TRIT1: variants seen among roughly 807,000 people sequenced by gnomAD.
The protein encoded by TRIT1 is tRNA dimethylallyltransferase.
Under a neutral mutation model 51.2 loss-of-function variants are expected in TRIT1, and 43 were observed. The ratio of observed to expected loss-of-function variants is 0.84; its 90% CI spans 0.66 to 1.08. The LOEUF (loss-of-function observed/expected upper bound fraction) is 1.08, where lower values mean the gene tolerates loss of function less well. TRIT1 is among the 50% of genes least tolerant of loss of function. The pLI, the probability that TRIT1 is intolerant of heterozygous loss-of-function variation, is 0.00. For synonymous variants in TRIT1, 184 were observed against 203.9 expected (o/e 0.90, Z 0.83); for missense variants, 528 against 578.4 (o/e 0.91, Z 0.89).
chr1:39,880,668 G>C (rs748092423), intron 1 of TRIT1, among the ~76,000 whole-genome samples: 1 of 151,852 alleles, frequency 6.6e-6, no homozygotes, highest in South Asian at 2.1e-4. Context: ...GCATGGTGGC[G>C]GGCGTCTGTA....
rs150669999 is a variant in TRIT1 at position 39,866,093 on chromosome 1, AAAGGAAGGAAGG to A, written c.175-8688_175-8677del. 1.8e-4 allele frequency among the ~76,000 whole-genome samples: 27 copies of A among 147,546 alleles called. 1 individual carries two copies. Among genetic ancestry groups the A allele is most frequent in the Non-Finnish European group, 2.7e-4 (18 of 66,834 alleles). The stretch of plus-strand genomic sequence containing the variant: ...AGAGGGAGGGAGGGAAGGAAAGAAG[AAAGGAAGGAAGG>A]AAGGAAGGAAGGAAGGAAGGAGGAA... On this transcript the variant is annotated intron_variant, in intron 1 of 10. Transcript: ENST00000316891.
At position 39,879,257 on chromosome 1, in the gene TRIT1, AAAACAAAC is replaced by A. The variant is rs542379737; in HGVS notation, c.174+4053_174+4060del. Among the ~76,000 whole-genome samples, 31 of 151,884 alleles carry A rather than the reference AAAACAAAC, an allele frequency of 2.0e-4. 1 individual carries two copies. Among genetic ancestry groups the A allele is most frequent in the South Asian group, 6.2e-4 (3 of 4,814 alleles). On this transcript the variant is annotated intron_variant, in intron 1 of 10. Transcript: ENST00000316891. Reference sequence around the variant, plus strand: ...GGGTGACAGAGCGAGACTCCATCTTAAAACAAACAAACAAACAAACAAACAAAAAACTC... The same window carrying A: ...GGGTGACAGAGCGAGACTCCATCTTAAAACAAACAAACAAACAAAAAACTC...
chr1:39,871,165 C>T (rs1643872201), intron 1 of TRIT1, among the ~76,000 whole-genome samples: 1 of 152,034 alleles, frequency 6.6e-6, no homozygotes, highest in Non-Finnish European at 1.5e-5. Context: ...TGCACCCCAG[C>T]CTGGGCAACA....
intron 1 of TRIT1, among the ~76,000 whole-genome samples, chr1:39,868,431 G>GCA (rs1379518408): frequency 6.6e-6 from 1 of 150,398 alleles, no homozygotes; most frequent in African/African-American, 2.4e-5. Flanking sequence ...TCATCTGAGG[G>GCA]CAGGACTTCG....
At chr1:39,870,392 T>C (rs1252117987) in intron 1 of TRIT1, among the ~76,000 whole-genome samples, 1 of 151,922 alleles carries the variant, frequency 6.6e-6, no homozygotes, top group African/African-American at 2.4e-5. Context: ...CAGGGTCCTC[T>C]GCCTAGGAAA....
At chr1:39,875,214 G>A (rs1489300005) in intron 1 of TRIT1, among the ~76,000 whole-genome samples, 1 of 152,010 alleles carries the variant, frequency 6.6e-6, no homozygotes, top group Non-Finnish European at 1.5e-5. Context: ...TACAGGCCAG[G>A]TGCAGTGGCT....
chr1:39,846,795 G>A (rs1009619808), intron 8 of TRIT1, among the ~76,000 whole-genome samples: 2 of 152,168 alleles, frequency 1.3e-5, no homozygotes, highest in Non-Finnish European at 2.9e-5. Context: ...GCACCATGTG[G>A]AGACGCTGGG....
At chr1:39,875,583 T>TA (rs1644023759) in intron 1 of TRIT1, among the ~76,000 whole-genome samples, 1 of 152,162 alleles carries the variant, frequency 6.6e-6, no homozygotes, top group Non-Finnish European at 1.5e-5. Flanking sequence ...TCCCAGGGTC[T>TA]ATATTTTTAG....
intron 1 of TRIT1, among the ~76,000 whole-genome samples, chr1:39,865,671 C>CAAAAAAAAAA (rs142393332): frequency 1.1e-3 from 76 of 68,102 alleles, no homozygotes; most frequent in Non-Finnish European, 2.0e-3. Context: ...TCTGTCTCTA[C>CAAAAAAAAAA]AAAAAAAAAA....
In TRIT1 at chr1:39,840,522, C is replaced by T. The variant is rs1425479138; in HGVS notation, c.*1222G>A. Among the ~76,000 whole-genome samples, 27 of 152,126 alleles carry T rather than the reference C, an allele frequency of 1.8e-4. No homozygotes were observed. The highest frequency in any genetic ancestry group is 4.4e-5 in the Non-Finnish European group (3 of 68,032). The stretch of plus-strand genomic sequence containing the variant: ...TCTTGCCTGGATTGGTGTTTGTGTA[C>T]ACATGCAATTATTTATAAGCTCCCT... On this transcript the variant is annotated 3_prime_UTR_variant, in exon 11 of 11. Coordinates refer to ENST00000316891, the MANE Select transcript of TRIT1 (RefSeq NM_017646.6).
intron 10 of TRIT1, among the ~76,000 whole-genome samples, chr1:39,843,756 TC>T (rs1489802012): frequency 6.6e-6 from 1 of 151,954 alleles, no homozygotes; most frequent in African/African-American, 2.4e-5. Context: ...CACCCTTACT[TC>T]CTGATCCCAC....
chr1:39,847,324 A>C lies in TRIT1; in HGVS notation c.929-27T>G. The C allele has an allele frequency of 4.4e-6, 7 of 1,608,146 alleles. 1 individual carries two copies. In the Middle Eastern group the frequency reaches 1.2e-3, roughly 266 times the overall value. ...TGAAAGATACAGTAGATTTAAGAAC[A>C]TCTAGGTAAGCACTCCTTACCCTGC... is the stretch of plus-strand genomic sequence containing the variant. On this transcript the variant is annotated intron_variant, in intron 7 of 10. Transcript: ENST00000316891.
intron 1 of TRIT1, among the ~76,000 whole-genome samples, chr1:39,869,632 G>A (rs908048312): frequency 2.0e-5 from 3 of 151,116 alleles, no homozygotes; most frequent in African/African-American, 4.9e-5. Flanking sequence ...GCCTCTTCCC[G>A]GCCGCCATCC....
In TRIT1 at chr1:39,845,524, GA is replaced by G. The variant is rs1314640673; in HGVS notation, c.1007-885del. Among the ~76,000 whole-genome samples, 5 of 152,236 alleles carry G rather than the reference GA, an allele frequency of 3.3e-5. 1 individual carries two copies. Among genetic ancestry groups the G allele is most frequent in the Non-Finnish European group, 7.3e-5 (5 of 68,042 alleles). ...TTTTGATTGTGCCAACCCCAAATAA[GA>G]TTCTTCATAAACTGGACTGGGCTGC... On this transcript the variant is annotated intron_variant, in intron 8 of 10. Coordinates refer to ENST00000316891, the MANE Select transcript of TRIT1 (RefSeq NM_017646.6).
At chr1:39,872,774 C>T (rs1284534646) in intron 1 of TRIT1, among the ~76,000 whole-genome samples, 1 of 127,848 alleles carries the variant, frequency 7.8e-6, no homozygotes, top group Admixed American at 9.0e-5. Flanking sequence ...CACACACACA[C>T]ACACACAGAG....
At chr1:39,865,671 C>CAA (rs142393332) in intron 1 of TRIT1, among the ~76,000 whole-genome samples, 3,076 of 68,208 alleles carry the variant, frequency 0.045, 154 homozygotes, top group East Asian at 0.19. Context: ...TCTGTCTCTA[C>CAA]AAAAAAAAAA....
At chr1:39,853,696 G>C (rs1424370006) in intron 3 of TRIT1, among the ~76,000 whole-genome samples, 1 of 152,200 alleles carries the variant, frequency 6.6e-6, no homozygotes, top group Non-Finnish European at 1.5e-5. Context: ...ACAGGTGTGA[G>C]CCACCACGCC....
In TRIT1 at chr1:39,847,394, G is replaced by T. The variant is rs1464704204; in HGVS notation, c.929-97C>A. 5 of 1,442,888 alleles carry T rather than the reference G, an allele frequency of 3.5e-6. No homozygotes were observed. In the East Asian group the frequency reaches 1.1e-4, roughly 33 times the overall value. The allele number at this position is 1,442,888 out of a possible 1,614,324, so 89.4% of individuals were successfully genotyped here. A position where few individuals can be genotyped will look rare whatever the true frequency, so the allele number is the denominator to read the frequency against. ...GCCCAGCAGGAAAAAGTCAGCCACGGCAGTGCAATGTCAGACTTGGTGGAC... is the reference window on the plus strand; with the variant it reads ...GCCCAGCAGGAAAAAGTCAGCCACGTCAGTGCAATGTCAGACTTGGTGGAC... On this transcript the variant is annotated intron_variant, in intron 7 of 10. Coordinates refer to ENST00000316891, the MANE Select transcript of TRIT1 (RefSeq NM_017646.6).
At chr1:39,868,718 G>A (rs1231319576) in intron 1 of TRIT1, among the ~76,000 whole-genome samples, 1 of 150,160 alleles carries the variant, frequency 6.7e-6, no homozygotes, top group Non-Finnish European at 1.5e-5. Flanking sequence ...AAAGATCTGA[G>A]AGACACTTCA....
Sources: gnomAD v4.1 joint callset for allele counts (sites outside exome capture counted in the v4.1 genomes callset) on GRCh38, gnomAD v4.1.1 for gene constraint, MANE v1.5 for transcripts, NCBI Gene and HGNC (gene_info 2026-07-23, HGNC 2026-07-21) for gene names.